CDCA2: variants seen among roughly 807,000 people sequenced by gnomAD.
The protein encoded by CDCA2 is cell division cycle-associated protein 2.
CDCA2 carries 44 observed loss-of-function variants against 67.0 expected under a neutral mutation model. The observed-to-expected ratio is 0.66, with a 90% CI of 0.52 to 0.84. The LOEUF (loss-of-function observed/expected upper bound fraction) is 0.84. Ranked by LOEUF, CDCA2 falls within the 40% of genes least tolerant of loss-of-function variation. The pLI, the probability that CDCA2 is intolerant of heterozygous loss-of-function variation, is 0.00. For synonymous variants in CDCA2, 447 were observed against 418.7 expected, an observed-to-expected ratio of 1.07 and a Z score of -0.82; for missense variants, 1,253 against 1,203.2, an observed-to-expected ratio of 1.04 and a Z score of -0.61.
rs1284195784 is a variant in CDCA2, at chr8:25,480,676, C to T, written c.1032+552C>T. ...TAGTGCTCCGAGAAAGGTATAGGAC[C>T]TGTTTGACATACACTTAGGCTTGTA... On this transcript the variant is annotated intron_variant, in intron 8 of 14. Transcript: ENST00000330560. Among the ~76,000 whole-genome samples, 3 of 152,102 alleles carry T rather than the reference C, an allele frequency of 2.0e-5. No homozygotes were observed. The East Asian group carries it at 5.8e-4, about 29-fold the overall frequency.
intron 4 of CDCA2, among the ~76,000 whole-genome samples, chr8:25,465,918 C>T (rs1284378716): frequency 6.6e-6 from 1 of 152,194 alleles, no homozygotes; most frequent in Non-Finnish European, 1.5e-5. Context: ...GTTGCACCAT[C>T]CCAGAGCGCA....
intron 5 of CDCA2, 82 bp downstream of exon 5, chr8:25,466,407 G>T: frequency 1.5e-6 from 2 of 1,306,044 alleles, no homozygotes; most frequent in Non-Finnish European, 2.1e-6. Context: ...TTAGTGTGAA[G>T]CCAATCTTTT....
chr8:25,477,112 G>A (rs1803382571), intron 7 of CDCA2, among the ~76,000 whole-genome samples: 1 of 152,114 alleles, frequency 6.6e-6, no homozygotes, highest in Non-Finnish European at 1.5e-5. Flanking sequence ...TCTTGATCCA[G>A]CTCCAAATAG....
At chr8:25,474,994 G>C (rs1221153293) in intron 7 of CDCA2, among the ~76,000 whole-genome samples, 1 of 152,174 alleles carries the variant, frequency 6.6e-6, no homozygotes, top group African/African-American at 2.4e-5. Flanking sequence ...GACACAGCCT[G>C]GCTTAGGGAA....
At chr8:25,494,521 C>T (rs1347534397) in intron 13 of CDCA2, among the ~76,000 whole-genome samples, 1 of 152,092 alleles carries the variant, frequency 6.6e-6, no homozygotes, top group Non-Finnish European at 1.5e-5. Flanking sequence ...AATACTGTGC[C>T]ATTTTATGTC....
At chr8:25,474,879 C>T (rs1347992049) in intron 7 of CDCA2, among the ~76,000 whole-genome samples, 1 of 152,112 alleles carries the variant, frequency 6.6e-6, no homozygotes. Flanking sequence ...TCGGGCTTGC[C>T]TCCCAGCCCA....
chr8:25,505,398 AC>A lies in CDCA2; in HGVS notation c.1844-1110del, dbSNP rs1158824315. Among the ~76,000 whole-genome samples, 5 of 152,138 alleles carry A rather than the reference AC, an allele frequency of 3.3e-5. No individual in the cohort carries two copies. The South Asian group carries it at 1.0e-3, about 32-fold the overall frequency. On this transcript the variant is annotated intron_variant, in intron 14 of 14. Transcript: ENST00000330560. ...GTATTTTTAGTAGAGACGGGGTTTC[AC>A]CATGTTGGCCAGGCTGGTCTCAAAC...
At chr8:25,497,683 G>A (rs1804289879) in intron 13 of CDCA2, among the ~76,000 whole-genome samples, 1 of 151,936 alleles carries the variant, frequency 6.6e-6, no homozygotes, top group African/African-American at 2.4e-5. Flanking sequence ...TAATGTATAT[G>A]GGAAAATTGC....
rs559805577 is a variant in CDCA2, at chr8:25,479,192, G to T, written c.821-721G>T. Among the ~76,000 whole-genome samples the T allele has an allele frequency of 6.6e-5, 10 of 151,660 alleles. No homozygotes were observed. In the South Asian group the frequency reaches 1.9e-3, roughly 28 times the overall value. On this transcript the variant is annotated intron_variant, in intron 7 of 14. Transcript: ENST00000330560. ...CACAGTACAGCCAAGCCACAGCATG[G>T]TTCTGTCCTGAGGATCCTCATGTTA...
At chr8:25,486,858 T>G (rs1803798687) in intron 11 of CDCA2, among the ~76,000 whole-genome samples, 1 of 152,118 alleles carries the variant, frequency 6.6e-6, no homozygotes, top group South Asian at 2.1e-4. Context: ...ATCCTACACT[T>G]TAAATAAAAT....
At chr8:25,483,028 C>A (rs1803629817) in intron 8 of CDCA2, among the ~76,000 whole-genome samples, 1 of 152,142 alleles carries the variant, frequency 6.6e-6, no homozygotes, top group Non-Finnish European at 1.5e-5. Context: ...ATTTTGGTAT[C>A]TTCGGGGGCC....
intron 10 of CDCA2, among the ~76,000 whole-genome samples, chr8:25,485,128 G>A (rs7018111): frequency 0.96 from 145,245 of 151,014 alleles, 70,076 homozygotes; most frequent in East Asian, 1. Flanking sequence ...AACATGGCAC[G>A]TGTATACATA....
chr8:25,471,120 C>T (rs539365938), intron 7 of CDCA2, among the ~76,000 whole-genome samples: 44 of 116,684 alleles, frequency 3.8e-4, no homozygotes, highest in African/African-American at 1.4e-3. Context: ...TTTATATTTA[C>T]CCAGATGTAC....
At chr8:25,487,081 CAAAA>C (rs35258360) in intron 11 of CDCA2, among the ~76,000 whole-genome samples, 161 bp from the exon 12 acceptor site, 1 of 149,600 alleles carries the variant, frequency 6.7e-6, no homozygotes, top group African/African-American at 2.5e-5. Context: ...TTTTTTAAAA[CAAAA>C]AAAAAAAATT....
chr8:25,478,886 G>GTTTATATATATATATATATATATA (rs772237376), intron 7 of CDCA2, among the ~76,000 whole-genome samples: 1 of 119,780 alleles, frequency 8.3e-6, no homozygotes, highest in African/African-American at 3.0e-5. Flanking sequence ...TGTTGTGTGT[G>GTTTATATATATATATATATATATA]TGTATATATA....
Position 25,487,327 on chromosome 8 carries a change from G to A in CDCA2, c.1526G>A (p.Arg509Lys). Residue 509 changes from arginine (R) to lysine (K), a missense_variant, in exon 12 of 15, where the codon AGA (arginine) becomes AAA (lysine). Arg to Lys is a conservative substitution (Grantham distance 26). Coordinates refer to ENST00000330560, the MANE Select transcript of CDCA2 (RefSeq NM_152562.4). The part of the protein sequence containing the change: ...KVGRITRTSN[R>K]RNQLVSVVEE... Reference sequence around the variant, plus strand: ...GGTAGAATAACAAGGACTTCTAACAGAAGAAATGTAAGTGTTTGTGTTTGG... The same window carrying A: ...GGTAGAATAACAAGGACTTCTAACAAAAGAAATGTAAGTGTTTGTGTTTGG... 1.3e-6 allele frequency: 2 copies of A among 1,589,462 alleles called. No homozygotes were observed. Among genetic ancestry groups the A allele is most frequent in the Non-Finnish European group, 1.7e-6 (2 of 1,159,546 alleles).
chr8:25,470,821 G>T (rs564362622), intron 7 of CDCA2, among the ~76,000 whole-genome samples: 8 of 151,560 alleles, frequency 5.3e-5, no homozygotes, highest in African/African-American at 1.9e-4. Context: ...GAGTGCAGTG[G>T]TGTGATCTCA....
intron 7 of CDCA2, among the ~76,000 whole-genome samples, chr8:25,474,448 C>T (rs544166952): frequency 1.3e-5 from 2 of 152,160 alleles, no homozygotes; most frequent in African/African-American, 2.4e-5. Context: ...CTAATTCAGT[C>T]GTCTTCTCAC....
intron 14 of CDCA2, among the ~76,000 whole-genome samples, chr8:25,506,145 C>T (rs1466585024): frequency 6.6e-6 from 1 of 152,180 alleles, no homozygotes; most frequent in Non-Finnish European, 1.5e-5. Context: ...TAATGTTGCC[C>T]ATTTGCAGTC....
Sources: gnomAD v4.1 joint callset for allele counts (sites outside exome capture counted in the v4.1 genomes callset) on GRCh38, gnomAD v4.1.1 for gene constraint, MANE v1.5 for transcripts, NCBI Gene and HGNC (gene_info 2026-07-23, HGNC 2026-07-21) for gene names.